ZNF717: variants seen among roughly 807,000 people sequenced by gnomAD.
ZNF717 encodes zinc finger protein 717.
In ZNF717, 9 loss-of-function variants were observed where a neutral mutation model predicts 13.8. The ratio of observed to expected loss-of-function variants is 0.65; its 90% CI spans 0.39 to 1.14. The LOEUF is 1.14. Among genes scored for constraint, ZNF717 ranks in the 50% most tolerant of loss-of-function variants. The probability of loss-of-function intolerance (pLI) is 0.01; values close to 1 mark genes in which losing one functional copy is unlikely to be tolerated. For synonymous variants in ZNF717, 327 were observed against 364.1 expected, an observed-to-expected ratio of 0.90 and a Z score of 1.16; for missense variants, 1,040 against 1,080.7, an observed-to-expected ratio of 0.96 and a Z score of 0.53.
At chr3:75,759,225 T>C (rs1343452803) in intron 2 of ZNF717, among the ~76,000 whole-genome samples, 1 of 151,116 alleles carries the variant, frequency 6.6e-6, no homozygotes. Flanking sequence ...TCCTGTATTG[T>C]ACACTTAAAA....
At chr3:75,728,827 A>C (rs1281600950), downstream of ZNF717, among the ~76,000 whole-genome samples, 316 of 148,888 alleles carry the variant, frequency 2.1e-3, no homozygotes, top group African/African-American at 7.9e-3. Context: ...AGACTGATAC[A>C]GTCATTCATG....
At chr3:75,770,137 C>A (rs1001933999) in intron 2 of ZNF717, among the ~76,000 whole-genome samples, 1 of 152,196 alleles carries the variant, frequency 6.6e-6, no homozygotes, top group South Asian at 2.1e-4. Context: ...GGGGACTGAA[C>A]CTCACCACCC....
intron 2 of ZNF717, among the ~76,000 whole-genome samples, chr3:75,774,768 C>T (rs1944178538): frequency 6.6e-6 from 1 of 151,618 alleles, no homozygotes; most frequent in Non-Finnish European, 1.5e-5. Context: ...CTACAGGTGC[C>T]CACCACCACG....
At chr3:75,718,749 G>A (rs1297613297) in intron 4 of ZNF717, among the ~76,000 whole-genome samples, 1 of 152,094 alleles carries the variant, frequency 6.6e-6, no homozygotes, top group Non-Finnish European at 1.5e-5. Context: ...ACTCCTATGA[G>A]AATCGAATGC....
chr3:75,780,068 G>A (rs371808663), intron 2 of ZNF717, among the ~76,000 whole-genome samples: 25 of 78,048 alleles, frequency 3.2e-4, no homozygotes, highest in South Asian at 9.1e-4. Context: ...GACGTGCTAA[G>A]CCAGAAACCC....
chr3:75,701,950 T>C (rs1937705528), intron 6 of ZNF717, among the ~76,000 whole-genome samples: 1 of 152,296 alleles, frequency 6.6e-6, no homozygotes, highest in Non-Finnish European at 1.5e-5. Context: ...TTCACCCCAG[T>C]TAAGGTTGTT....
downstream of ZNF717, among the ~76,000 whole-genome samples, chr3:75,725,818 T>C (rs1938268472): frequency 6.6e-6 from 1 of 152,112 alleles, no homozygotes; most frequent in Non-Finnish European, 1.5e-5. Context: ...CCTCCCACAA[T>C]ATGTGGGAAT....
chr3:75,782,232 G>T (rs941601276), intron 2 of ZNF717, among the ~76,000 whole-genome samples: 3 of 152,194 alleles, frequency 2.0e-5, no homozygotes, highest in African/African-American at 7.2e-5. Flanking sequence ...CACAGAGTGG[G>T]CTAAAGTGCA....
intron 2 of ZNF717, among the ~76,000 whole-genome samples, chr3:75,745,498 ACTTT>A (rs1412745352): frequency 6.6e-6 from 1 of 152,046 alleles, no homozygotes; most frequent in African/African-American, 2.4e-5. Flanking sequence ...CGTAACATTA[ACTTT>A]CTATTTCTCA....
chr3:75,738,260 C>T lies in ZNF717; in HGVS notation c.1363G>A (p.Glu455Lys), dbSNP rs1458834111. 8 of 1,541,440 alleles carry T rather than the reference C, an allele frequency of 5.2e-6. No homozygotes were observed. The African/African-American group carries it at 6.9e-5, about 13-fold the overall frequency. ...HTGEKPYECN[E>K]CGKPFINKSN... Reference sequence around the variant, plus strand: ...TTATTGATAAAGGGTTTTCCACACTCATTACATTCATACGGTTTTTCCCCT... The same window carrying T: ...TTATTGATAAAGGGTTTTCCACACTTATTACATTCATACGGTTTTTCCCCT... Residue 455 changes from glutamate to lysine, a missense_variant, in exon 5 of 5, where the codon GAG becomes AAG. Transcript: ENST00000652011.
rs1371035470 is a variant in ZNF717 at position 75,741,860 on chromosome 3, C to G, written c.58-124G>C. The G allele has an allele frequency of 7.6e-6, 10 of 1,320,800 alleles. No homozygotes were observed. The Admixed American group carries it at 2.1e-4, about 28-fold the overall frequency. 81.8% of individuals were successfully genotyped at this position (1,320,800 alleles called of 1,614,324 possible). The stretch of plus-strand genomic sequence containing the variant: ...GCACAGCCACATCTTCAAAGGACAC[C>G]AACCCCTGTAATGGCACATTTTTCC... On this transcript the variant is annotated intron_variant, in intron 2 of 4. Coordinates refer to ENST00000652011, the MANE Select transcript of ZNF717 (RefSeq NM_001290208.3).
Position 75,737,887 on chromosome 3 carries a change from G to C in ZNF717, c.1736C>G (p.Thr579Ser). Reference sequence around the variant, plus strand: ...GCCAGCATGAGTTCTCTGATGTATAGTTAGGAATGACTTACAGTGAAAGGA... The same window carrying C: ...GCCAGCATGAGTTCTCTGATGTATACTTAGGAATGACTTACAGTGAAAGGA... Reference protein sequence around the residue: ...GKSFHCKSFLTIHQRTHAGKK... With the variant: ...GKSFHCKSFLSIHQRTHAGKK... The change falls in exon 5 of 5, where the codon ACT (threonine) becomes AGT (serine). Residue 579 changes from threonine to serine, a missense_variant. Thr to Ser is a moderately conservative substitution (Grantham distance 58, BLOSUM62 1). Coordinates refer to ENST00000652011, the MANE Select transcript of ZNF717 (RefSeq NM_001290208.3). 1 of 1,547,068 alleles carries C rather than the reference G, an allele frequency of 6.5e-7. No individual in the cohort carries two copies.
Position 75,776,589 on chromosome 3 carries a change from A to G in ZNF717, c.57+6717T>C, listed in dbSNP as rs556835208. Among the ~76,000 whole-genome samples the G allele has an allele frequency of 1.7e-4, 26 of 152,364 alleles. No homozygotes were observed. The East Asian group carries it at 4.8e-3, about 28-fold the overall frequency. On this transcript the variant is annotated intron_variant, in intron 2 of 4. Coordinates refer to ENST00000652011, the MANE Select transcript of ZNF717 (RefSeq NM_001290208.3). ...ACTGGATCTTCTGAGAACATCAAAG[A>G]AGGACTGCCCTTGCCATCCACATGA...
chr3:75,747,554 T>C (rs1307123050), intron 2 of ZNF717, among the ~76,000 whole-genome samples: 3 of 152,126 alleles, frequency 2.0e-5, no homozygotes, highest in Admixed American at 1.3e-4. Flanking sequence ...GGTTTGCAGT[T>C]CTCCTTGAAG....
intron 5 of ZNF717, chr3:75,730,730 G>C: frequency 1.6e-6 from 1 of 634,012 alleles, no homozygotes; most frequent in Non-Finnish European, 2.8e-6. Context: ...AGAATCCACA[G>C]AAATACTAAT....
chr3:75,781,724 A>T (rs1053949016), intron 2 of ZNF717, among the ~76,000 whole-genome samples: 73 of 152,294 alleles, frequency 4.8e-4, no homozygotes, highest in African/African-American at 1.7e-3. Flanking sequence ...AAAGACTGCA[A>T]TTAACTGATA....
intron 2 of ZNF717, among the ~76,000 whole-genome samples, chr3:75,745,220 G>C (rs1941026458): frequency 1.4e-5 from 2 of 146,646 alleles, no homozygotes; most frequent in Non-Finnish European, 3.0e-5. Flanking sequence ...ATTGACATAT[G>C]ACATTGCAAG....
intron 2 of ZNF717, among the ~76,000 whole-genome samples, chr3:75,753,044 C>T (rs1575849286): frequency 6.6e-6 from 1 of 151,500 alleles, no homozygotes; most frequent in Non-Finnish European, 1.5e-5. Flanking sequence ...GATTCCAGAA[C>T]ACTGCTATGA....
intron 4 of ZNF717, among the ~76,000 whole-genome samples, chr3:75,722,820 AAAAT>A (rs1287267092): frequency 2.2e-5 from 3 of 135,470 alleles, no homozygotes; most frequent in East Asian, 2.4e-4. Flanking sequence ...AAAAAAAAAA[AAAAT>A]TTAAGTATTT....
Sources: gnomAD v4.1 joint callset for allele counts (sites outside exome capture counted in the v4.1 genomes callset) on GRCh38, gnomAD v4.1.1 for gene constraint, MANE v1.5 for transcripts, NCBI Gene and HGNC (gene_info 2026-07-23, HGNC 2026-07-21) for gene names.